Variants in SLC25A36 observed in about 807,000 individuals in gnomAD.
SLC25A36 encodes the protein epididymis secretory sperm binding protein.
A neutral mutation model predicts 35.3 loss-of-function variants in SLC25A36; 24 were observed. The ratio of observed to expected loss-of-function variants is 0.68; its 90% confidence interval spans 0.49 to 0.96. The LOEUF is 0.96. Among genes scored for constraint, SLC25A36 ranks in the 40% least tolerant of loss-of-function variants. The probability of loss-of-function intolerance (pLI) is 0.00; values close to 1 mark genes in which losing one functional copy is unlikely to be tolerated. For synonymous variants in SLC25A36, 141 were observed against 132.2 expected (o/e 1.07, Z -0.46); for missense variants, 294 against 381.1 (o/e 0.77, Z 1.90).
At chr3:140,968,288 A>G (rs1175945379) in intron 4 of SLC25A36, 10 of 809,342 alleles carry the variant, frequency 1.2e-5, no homozygotes. Context: ...AATAGCTAAA[A>G]CTGTGGATTG....
intron 1 of SLC25A36, 34 bp downstream of exon 1, chr3:140,942,129 G>A (rs1282766578): frequency 3.1e-6 from 3 of 982,896 alleles, no homozygotes; most frequent in Non-Finnish European, 4.2e-6. Flanking sequence ...CACTGGGGCT[G>A]AGGGTGCTGG....
At position 140,956,799 on chromosome 3, in the gene SLC25A36, A is replaced by G. The variant is rs1237710985; in HGVS notation, c.206+108A>G. The G allele has an allele frequency of 7.0e-6, 10 of 1,431,502 alleles. No individual in the cohort carries two copies. The South Asian group carries it at 8.9e-5, about 13-fold the overall frequency. The allele number at this position is 1,431,502 out of a possible 1,614,324, so 88.7% of individuals were successfully genotyped here. A position where few individuals can be genotyped will look rare whatever the true frequency, so the allele number is the denominator to read the frequency against. On this transcript the variant is annotated intron_variant, in intron 2 of 6. Transcript: ENST00000324194. ...ATTGAAAATGATTTTTTATAAACCT[A>G]TTTACAGAAGTTACTCTGAATTGTA...
chr3:140,951,068 G>C (rs1934311173), intron 1 of SLC25A36, among the ~76,000 whole-genome samples: 1 of 152,070 alleles, frequency 6.6e-6, no homozygotes, highest in Non-Finnish European at 1.5e-5. Flanking sequence ...AGGCCTCCTA[G>C]GGATTCTGCA....
chr3:140,959,891 G>A (rs529572735), intron 3 of SLC25A36, among the ~76,000 whole-genome samples: 1 of 152,164 alleles, frequency 6.6e-6, no homozygotes, highest in African/African-American at 2.4e-5. Flanking sequence ...TCTTATACTG[G>A]GGGAAAATAA....
Position 140,970,940 on chromosome 3 carries a change from C to G in SLC25A36, c.399C>G (p.Ile133Met). The G allele has an allele frequency of 1.3e-6, 2 of 1,504,322 alleles. No homozygotes were observed. Among genetic ancestry groups the G allele is most frequent in the Non-Finnish European group, 1.8e-6 (2 of 1,081,376 alleles). The allele number at this position is 1,504,322 out of a possible 1,614,324, so 93.2% of individuals were successfully genotyped here. ...ISAAMAGFTA[I>M]TATNPIWLIK... ...ATGTTTGTTTAGGTTTTACTGCAATCACAGCAACCAACCCCATTTGGCTTA... is the reference window on the plus strand; with the variant it reads ...ATGTTTGTTTAGGTTTTACTGCAATGACAGCAACCAACCCCATTTGGCTTA... The change falls in exon 5 of 7, where the codon ATC (isoleucine) becomes ATG (methionine). Residue 133 changes from isoleucine (I) to methionine (M), a missense_variant. Around this residue, in one of 2 missense-constraint regions of SLC25A36, gnomAD observed 185 missense variants for 201.5 expected, o/e 0.92. Transcript: ENST00000324194.
intron 3 of SLC25A36, among the ~76,000 whole-genome samples, chr3:140,962,290 CTG>C (rs1373183418): frequency 3.9e-5 from 6 of 152,236 alleles, no homozygotes; most frequent in Non-Finnish European, 5.9e-5. Flanking sequence ...ATTTGTCACT[CTG>C]TTTCTTATTG....
Position 140,973,873 on chromosome 3 carries a change from C to A in SLC25A36, c.610C>A (p.Leu204Ile), listed in dbSNP as rs755408106. 2.5e-6 allele frequency: 4 copies of A among 1,613,162 alleles called. No homozygotes were observed. In the Admixed American group the frequency reaches 6.7e-5, roughly 27 times the overall value. ...TATTTATGAAAGTATAAAACAAAAA[C>A]TACTGGAATATAAGACTGCTTCTAC... ...FVIYESIKQKLLEYKTASTME... is the reference protein window; with the variant it reads ...FVIYESIKQKILEYKTASTME... The change falls in exon 6 of 7, where the codon CTA (leucine) becomes ATA (isoleucine). Residue 204 changes from leucine to isoleucine, a missense_variant. Physicochemically the swap from Leu to Ile is conservative, Grantham distance 5. This residue lies in a region of SLC25A36 where 109 missense variants were observed against 179.7 expected (regional missense o/e 0.61). Coordinates refer to ENST00000324194, the MANE Select transcript of SLC25A36 (RefSeq NM_001104647.3).
chr3:140,943,363 C>T (rs1342887008), intron 1 of SLC25A36, among the ~76,000 whole-genome samples: 1 of 152,220 alleles, frequency 6.6e-6, no homozygotes, highest in Non-Finnish European at 1.5e-5. Flanking sequence ...CTTTCATCAA[C>T]AAATATTTGT....
chr3:140,969,795 C>G (rs561317346), intron 4 of SLC25A36, among the ~76,000 whole-genome samples: 13 of 151,990 alleles, frequency 8.6e-5, no homozygotes, highest in Admixed American at 3.3e-4. Flanking sequence ...TGTAGCATTT[C>G]TGTTCCTGTA....
At position 140,977,230 on chromosome 3, in the gene SLC25A36, T is replaced by G. The variant is rs145255970; in HGVS notation, c.*777T>G. The G allele has an allele frequency of 3.3e-5, 5 of 152,312 alleles. No homozygotes were observed. The highest frequency in any genetic ancestry group is 6.5e-5 in the Admixed American group (1 of 15,284). 9.4% of individuals were successfully genotyped at this position (152,312 alleles called of 1,614,324 possible). The stretch of plus-strand genomic sequence containing the variant: ...TGAATGCATTTATCTTTTTAGTGAC[T>G]TACTAGTTACGAACTTGAATTATCA... On this transcript the variant is annotated 3_prime_UTR_variant, in exon 7 of 7. Coordinates refer to ENST00000324194, the MANE Select transcript of SLC25A36 (RefSeq NM_001104647.3).
intron 4 of SLC25A36, chr3:140,968,331 C>T: frequency 1.3e-6 from 1 of 784,002 alleles, no homozygotes; most frequent in Non-Finnish European, 1.5e-6. Context: ...CAATGGTTTG[C>T]TGGCATTTAG....
intron 1 of SLC25A36, among the ~76,000 whole-genome samples, chr3:140,952,178 A>G (rs1242101371): frequency 6.6e-6 from 1 of 151,980 alleles, no homozygotes; most frequent in Non-Finnish European, 1.5e-5. Flanking sequence ...CACCAGGCCC[A>G]GCTAATTTTT....
chr3:140,964,739 C>T (rs747559518), intron 4 of SLC25A36: 15 of 151,922 alleles, frequency 9.9e-5, no homozygotes, highest in Middle Eastern at 3.4e-3. Flanking sequence ...GAATTGGAAT[C>T]TAGAAAGTTA....
chr3:140,968,368 C>T (rs1042949694), intron 4 of SLC25A36: 1 of 853,612 alleles, frequency 1.2e-6, no homozygotes. Flanking sequence ...AGAGCTAGCT[C>T]TCATTGGGAG....
intron 3 of SLC25A36, 60 bp downstream of exon 3, chr3:140,959,600 C>T (rs988989093): frequency 1.3e-6 from 1 of 751,684 alleles, no homozygotes; most frequent in Non-Finnish European, 2.0e-6. Context: ...TTTCAGCACA[C>T]CTGGATTTAA....
intron 2 of SLC25A36, among the ~76,000 whole-genome samples, chr3:140,959,004 G>A (rs1479490593): frequency 5.6e-5 from 7 of 125,848 alleles, no homozygotes; most frequent in Non-Finnish European, 1.1e-4. Context: ...GTGTGTGTGT[G>A]TGTGTTTTCT....
intron 4 of SLC25A36, chr3:140,968,320 C>T (rs75361673): frequency 0.048 from 37,329 of 772,206 alleles, 1,200 homozygotes; most frequent in East Asian, 0.16. Flanking sequence ...TTTACCTAAC[C>T]CAATGGTTTG....
intron 4 of SLC25A36, chr3:140,968,256 G>A: frequency 1.1e-6 from 1 of 935,926 alleles, no homozygotes; most frequent in Non-Finnish European, 1.3e-6. Flanking sequence ...TCAAGGACCT[G>A]AGTTTTTAGC....
Position 140,976,592 on chromosome 3 carries a change from G to T in SLC25A36, c.*139G>T. On this transcript the variant is annotated 3_prime_UTR_variant, in exon 7 of 7. Coordinates refer to ENST00000324194, the MANE Select transcript of SLC25A36 (RefSeq NM_001104647.3). Reference sequence around the variant, plus strand: ...ATTCTAAGTGGAAGTTTTGTTGTAGGAATTATAGTAATCACACCACATTAC... The same window carrying T: ...ATTCTAAGTGGAAGTTTTGTTGTAGTAATTATAGTAATCACACCACATTAC... 1 of 556,700 alleles carries T rather than the reference G, an allele frequency of 1.8e-6. No individual in the cohort carries two copies. The highest frequency in any genetic ancestry group is 2.8e-6 in the Non-Finnish European group (1 of 354,314). The allele number at this position is 556,700 out of a possible 1,614,324, so 34.5% of individuals were successfully genotyped here.
Sources: allele counts gnomAD v4.1 joint callset (sites outside exome capture counted in the v4.1 genomes callset), GRCh38; gene constraint gnomAD v4.1.1; regional missense constraint gnomAD v4.1.1; transcripts MANE v1.5; gene names NCBI Gene and HGNC (gene_info 2026-07-23, HGNC 2026-07-21).